The following SDK2 variants were observed in gnomAD, a reference collection of about 807,000 sequenced individuals.
The protein encoded by SDK2 is sidekick cell adhesion molecule 2, also known as protein sidekick-2.
In SDK2, 105 loss-of-function variants were observed where a neutral mutation model predicts 253.9. The observed-to-expected ratio is 0.41, with a 90% CI of 0.35 to 0.49. The LOEUF (loss-of-function observed/expected upper bound fraction) is 0.49. Ranked by LOEUF, SDK2 falls within the 20% of genes least tolerant of loss-of-function variation. The pLI is 0.06. For synonymous variants in SDK2, 1,249 were observed against 1,234.9 expected (o/e 1.01, Z -0.24); for missense variants, 2,608 against 3,003.0 (o/e 0.87, Z 3.07).
chr17:73,552,308 C>T (rs6501650), intron 1 of SDK2, among the ~76,000 whole-genome samples: 77,340 of 152,106 alleles, frequency 0.51, 20,785 homozygotes, highest in African/African-American at 0.69. Flanking sequence ...GAATAATTGT[C>T]TTATTCATAA....
chr17:73,361,872 T>C lies in SDK2; in HGVS notation c.5306-27A>G, dbSNP rs1397076233. Reference sequence around the variant, plus strand: ...TGGGGGAGGCACAGCAAGTGGGGACTGGGCACAGGGCCCACCGAGGGCACT... The same window carrying C: ...TGGGGGAGGCACAGCAAGTGGGGACCGGGCACAGGGCCCACCGAGGGCACT... On this transcript the variant is annotated intron_variant, in intron 38 of 44. Coordinates refer to ENST00000392650, the MANE Select transcript of SDK2 (RefSeq NM_001144952.2). The surrounding 1 kb of genome is among the most constrained non-coding windows in gnomAD (Gnocchi z 4.1). The C allele has an allele frequency of 6.4e-7, 1 of 1,555,144 alleles. No individual in the cohort carries two copies. The highest frequency in any genetic ancestry group is 8.7e-7 in the Non-Finnish European group (1 of 1,144,446).
At position 73,483,641 on chromosome 17, in the gene SDK2, A is replaced by ATG. The variant is rs1174506982; in HGVS notation, c.225-11425_225-11424dup. On this transcript the variant is annotated intron_variant, in intron 2 of 44. Transcript: ENST00000392650. ...TATATATATGTATATGTATATATAT[A>ATG]TGTGTGTGTGTGTGTGTGTGTATAT... 4.7e-4 allele frequency among the ~76,000 whole-genome samples: 39 copies of ATG among 83,688 alleles called. 1 individual carries two copies. The highest frequency in any genetic ancestry group is 7.1e-4 in the Non-Finnish European group (29 of 41,116). 54.9% of individuals were successfully genotyped at this position (83,688 alleles called of 152,430 possible).
At chr17:73,536,846 C>T (rs916745176) in intron 1 of SDK2, among the ~76,000 whole-genome samples, 7 of 152,194 alleles carry the variant, frequency 4.6e-5, no homozygotes, top group Non-Finnish European at 7.3e-5. Context: ...TTCCCTACTC[C>T]GCCTTCCTGC....
At chr17:73,456,327 C>T (rs1031314603) in intron 3 of SDK2, among the ~76,000 whole-genome samples, 2 of 152,168 alleles carry the variant, frequency 1.3e-5, no homozygotes, top group African/African-American at 4.8e-5. Flanking sequence ...ACACATTTTA[C>T]AATGGAAAAA....
rs1486092212 is a variant in SDK2 at position 73,467,601 on chromosome 17, C to T, written c.331+4511G>A. On this transcript the variant is annotated intron_variant, in intron 3 of 44. Coordinates refer to ENST00000392650, the MANE Select transcript of SDK2 (RefSeq NM_001144952.2). The surrounding 1 kb of genome is among the most constrained non-coding windows in gnomAD (Gnocchi z 4.1). ...GCTTCTACAGCTAGAGAGGGAGGCC[C>T]CCTGGGATGAGGCCAGTGTGTCCAG... Among the ~76,000 whole-genome samples the T allele has an allele frequency of 2.0e-5, 3 of 152,102 alleles. No homozygotes were observed. The highest frequency in any genetic ancestry group is 4.4e-5 in the Non-Finnish European group (3 of 68,020).
intron 30 of SDK2, 81 bp downstream of exon 30, chr17:73,387,755 G>GC: frequency 7.7e-6 from 10 of 1,303,542 alleles, no homozygotes; most frequent in Non-Finnish European, 9.4e-6. Context: ...TTTTCAGAAG[G>GC]CCCCCTACCC....
intron 10 of SDK2, among the ~76,000 whole-genome samples, chr17:73,432,628 G>A (rs920595111): frequency 2.7e-5 from 4 of 150,166 alleles, no homozygotes; most frequent in South Asian, 2.2e-4. Context: ...TAAATAAGCC[G>A]ATGACCAAAT....
intron 1 of SDK2, among the ~76,000 whole-genome samples, chr17:73,626,620 G>T (rs907876415): frequency 6.6e-6 from 1 of 152,238 alleles, no homozygotes; most frequent in East Asian, 1.9e-4. Context: ...AGCCAGACAT[G>T]CATTCCTCTG....
chr17:73,363,443 A>G (rs1490924203), intron 38 of SDK2, among the ~76,000 whole-genome samples: 2 of 152,216 alleles, frequency 1.3e-5, no homozygotes, highest in African/African-American at 4.8e-5. Context: ...TGACCCTGGG[A>G]CCAGGAACAG....
At chr17:73,440,374 G>A (rs1287590715) in intron 6 of SDK2, among the ~76,000 whole-genome samples, 1 of 152,076 alleles carries the variant, frequency 6.6e-6, no homozygotes, top group African/African-American at 2.4e-5. Context: ...CCAAAGTGCT[G>A]GGATTACAGG....
chr17:73,597,450 C>T lies in SDK2; in HGVS notation c.64+46575G>A, dbSNP rs75735824. Among the ~76,000 whole-genome samples, 1,234 of 152,244 alleles carry T rather than the reference C, an allele frequency of 8.1e-3. 17 individuals carry two copies. The highest frequency in any genetic ancestry group is 0.028 in the African/African-American group (1,152 of 41,526). On this transcript the variant is annotated intron_variant, in intron 1 of 44. Transcript: ENST00000392650. ...GTGATACTTTGCTTATAGAACTCTGCGATGTGGACGTATCTGTCTGGAATA... is the reference window on the plus strand; with the variant it reads ...GTGATACTTTGCTTATAGAACTCTGTGATGTGGACGTATCTGTCTGGAATA...
At position 73,338,525 on chromosome 17, in the gene SDK2, G is replaced by A. The variant is rs570236980; in HGVS notation, c.*62C>T. 26 of 991,816 alleles carry A rather than the reference G, an allele frequency of 2.6e-5. No individual in the cohort carries two copies. The East Asian group carries it at 6.2e-4, about 24-fold the overall frequency. 61.4% of individuals were successfully genotyped at this position (991,816 alleles called of 1,614,324 possible). A position where few individuals can be genotyped will look rare whatever the true frequency, so the allele number is the denominator to read the frequency against. Reference sequence around the variant, plus strand: ...GTGTTTTTGTTTTCTGGCAGGCAGTGAGAGGAGGGGTGAAGGAGGAGTTTG... The same window carrying A: ...GTGTTTTTGTTTTCTGGCAGGCAGTAAGAGGAGGGGTGAAGGAGGAGTTTG... On this transcript the variant is annotated 3_prime_UTR_variant, in exon 45 of 45. Coordinates refer to ENST00000392650, the MANE Select transcript of SDK2 (RefSeq NM_001144952.2). This position sits in a 1 kb window ranked among gnomAD's most constrained non-coding sequence, Gnocchi z 5.0.
intron 1 of SDK2, among the ~76,000 whole-genome samples, chr17:73,613,341 T>TCCC (rs1191951201): frequency 2.1e-5 from 3 of 144,940 alleles, no homozygotes; most frequent in African/African-American, 7.7e-5. Flanking sequence ...CCTCGCTCCC[T>TCCC]CCCCCTCTGC....
intron 2 of SDK2, chr17:73,504,249 T>C (rs2063915117): frequency 1.0e-5 from 1 of 99,320 alleles, no homozygotes; most frequent in Non-Finnish European, 2.4e-5. Flanking sequence ...TGTGTGTGTG[T>C]GTGTGTGTGT....
intron 44 of SDK2, among the ~76,000 whole-genome samples, chr17:73,340,207 C>T (rs932768438): frequency 1.9e-4 from 29 of 152,140 alleles, no homozygotes; most frequent in African/African-American, 5.3e-4. Flanking sequence ...TTCACATAAC[C>T]GAAAGTGAAC....
chr17:73,474,107 T>G (rs1383735642), intron 2 of SDK2, among the ~76,000 whole-genome samples: 1 of 152,114 alleles, frequency 6.6e-6, no homozygotes, highest in Admixed American at 6.6e-5. Context: ...GCACAAGCAA[T>G]CCTCCCACCT....
intron 3 of SDK2, among the ~76,000 whole-genome samples, chr17:73,459,928 G>A (rs62074093): frequency 6.6e-6 from 1 of 152,164 alleles, no homozygotes; most frequent in Non-Finnish European, 1.5e-5. Context: ...TATTTCATGA[G>A]ATGATATGTG....
chr17:73,493,775 C>A (rs2063823279), intron 2 of SDK2, among the ~76,000 whole-genome samples: 1 of 152,242 alleles, frequency 6.6e-6, no homozygotes, highest in African/African-American at 2.4e-5. Context: ...GGGTCATGCT[C>A]TGTGGACTAT....
chr17:73,479,416 T>C (rs1375488968), intron 2 of SDK2, among the ~76,000 whole-genome samples: 4 of 152,112 alleles, frequency 2.6e-5, no homozygotes, highest in African/African-American at 9.7e-5. Context: ...AAGACTTAGG[T>C]GGTGATCGAG....
Sources: gnomAD v4.1 joint callset for allele counts (sites outside exome capture counted in the v4.1 genomes callset) on GRCh38, gnomAD v4.1.1 for gene constraint, Gnocchi (gnomAD v3.1) non-coding constraint, MANE v1.5 for transcripts, NCBI Gene and HGNC (gene_info 2026-07-23, HGNC 2026-07-21) for gene names.